Variants in RC3H1 observed in about 807,000 individuals in gnomAD.
RC3H1 encodes the protein ring finger and CCCH-type domains 1.
Under a neutral mutation model 138.2 loss-of-function variants are expected in RC3H1, and 50 were observed. The observed-to-expected ratio is 0.36, with a 90% CI of 0.29 to 0.46. RC3H1 has a LOEUF of 0.46. Ranked by LOEUF, RC3H1 falls within the 20% of genes least tolerant of loss-of-function variation. RC3H1 has a pLI of 1.00. For synonymous variants in RC3H1, 462 were observed against 489.1 expected, an observed-to-expected ratio of 0.94 and a Z score of 0.73; for missense variants, 1,031 against 1,388.1, an observed-to-expected ratio of 0.74 and a Z score of 4.09.
intron 1 of RC3H1, among the ~76,000 whole-genome samples, chr1:174,008,691 T>TAAA (rs1661696617): frequency 6.6e-6 from 1 of 152,102 alleles, no homozygotes; most frequent in South Asian, 2.1e-4. Context: ...AAAGGGGATG[T>TAAA]TCTGGCCAGG....
At chr1:174,013,659 C>T (rs1326201532) in intron 1 of RC3H1, among the ~76,000 whole-genome samples, 1 of 152,020 alleles carries the variant, frequency 6.6e-6, no homozygotes, top group Non-Finnish European at 1.5e-5. Flanking sequence ...CCAGTATGGT[C>T]TTGATCGCCT....
In RC3H1 at chr1:173,936,759, ATATTTTT is replaced by A. The variant is rs1485820295; in HGVS notation, c.*1955_*1961del. On this transcript the variant is annotated 3_prime_UTR_variant, in exon 20 of 20. Transcript: ENST00000367696. ...TATATATATATATATATATATATAT[ATATTTTT>A]TTTTTTTTTTTTAAAAAAAGAAGAC... 7.2e-4 allele frequency: 15 copies of A among 20,790 alleles called. No individual in the cohort carries two copies. In the East Asian group the frequency reaches 8.9e-3, roughly 12 times the overall value. The allele number at this position is 20,790 out of a possible 1,614,324, so 1.3% of individuals were successfully genotyped here.
chr1:173,936,346 G>A lies in RC3H1; in HGVS notation c.*2375C>T, dbSNP rs1658577782. ...AAGATCAGTCCAAATCTGCTTATAA[G>A]AAGGTTGTAGTACAAAAATTAGCTG... On this transcript the variant is annotated 3_prime_UTR_variant, in exon 20 of 20. Transcript: ENST00000367696. The A allele has an allele frequency of 6.6e-6, 1 of 151,688 alleles. No individual in the cohort carries two copies. Among genetic ancestry groups the A allele is most frequent in the Non-Finnish European group, 1.5e-5 (1 of 67,948 alleles). The allele number at this position is 151,688 out of a possible 1,614,324, so 9.4% of individuals were successfully genotyped here.
intron 12 of RC3H1, 92 bp downstream of exon 12, chr1:173,961,633 A>T: frequency 8.5e-7 from 1 of 1,180,784 alleles, no homozygotes; most frequent in Non-Finnish European, 1.2e-6. Flanking sequence ...AAAAGAATTC[A>T]TCAAAGGGTT....
intron 19 of RC3H1, 88 bp downstream of exon 19, chr1:173,941,177 T>G: frequency 1.4e-5 from 11 of 778,850 alleles, no homozygotes; most frequent in Non-Finnish European, 2.2e-5. Flanking sequence ...ATTATATTTA[T>G]GAGGGTATTT....
intron 1 of RC3H1, among the ~76,000 whole-genome samples, chr1:173,997,980 T>C (rs1194632548): frequency 6.6e-6 from 1 of 152,172 alleles, no homozygotes; most frequent in Admixed American, 6.5e-5. Context: ...ACAGTTTATA[T>C]ACTCTTCAAC....
intron 9 of RC3H1, among the ~76,000 whole-genome samples, chr1:173,968,782 TG>T (rs1337482806): frequency 6.6e-6 from 1 of 152,118 alleles, no homozygotes; most frequent in Non-Finnish European, 1.5e-5. Context: ...ACTATTATGT[TG>T]GCTTCTGATT....
At chr1:173,960,844 T>C (rs973035547) in intron 13 of RC3H1, among the ~76,000 whole-genome samples, 14 of 152,114 alleles carry the variant, frequency 9.2e-5, no homozygotes, top group African/African-American at 2.9e-4. Context: ...TTTCATTAAA[T>C]TGTGCCGAGT....
rs1186455974 is a variant in RC3H1, at chr1:173,943,548, G to C, written c.3029C>G (p.Pro1010Arg). ...NTLAGQSQPPPPPPPKWPGMI... is the reference protein window; with the variant it reads ...NTLAGQSQPPRPPPPKWPGMI... Reference sequence around the variant, plus strand: ...CCCAGGCCATTTTGGAGGTGGCGGTGGTGGGGGCTGTGACTGGCCTGCCAG... The same window carrying C: ...CCCAGGCCATTTTGGAGGTGGCGGTCGTGGGGGCTGTGACTGGCCTGCCAG... The change falls in exon 18 of 20, where the codon CCA becomes CGA. Residue 1010 changes from proline to arginine, a missense_variant. Physicochemically the swap from Pro to Arg is moderately radical, Grantham distance 103 (BLOSUM62 -2). Around this residue, in one of 7 missense-constraint regions of RC3H1, gnomAD observed 716 missense variants for 837.9 expected, o/e 0.85. Coordinates refer to ENST00000367696, the MANE Select transcript of RC3H1 (RefSeq NM_172071.4). 3.1e-6 allele frequency: 5 copies of C among 1,614,032 alleles called. No homozygotes were observed. The South Asian group carries it at 3.3e-5, about 11-fold the overall frequency.
At chr1:173,993,589 C>T (rs1416930198) in intron 1 of RC3H1, among the ~76,000 whole-genome samples, 1 of 151,826 alleles carries the variant, frequency 6.6e-6, no homozygotes, top group Non-Finnish European at 1.5e-5. Context: ...GACGGGATTT[C>T]TCCATGTTGG....
chr1:173,944,344 A>G (rs747897610), intron 17 of RC3H1, among the ~76,000 whole-genome samples: 29 of 152,192 alleles, frequency 1.9e-4, no homozygotes, highest in Non-Finnish European at 3.8e-4. Context: ...AATATGTGGC[A>G]AGTTTCTAAA....
chr1:173,952,986 G>T (rs768418852), intron 13 of RC3H1, among the ~76,000 whole-genome samples: 3 of 151,806 alleles, frequency 2.0e-5, no homozygotes, highest in Non-Finnish European at 4.4e-5. Flanking sequence ...GATATCTAGG[G>T]GTATCAGTGT....
chr1:173,950,683 T>C lies in RC3H1; in HGVS notation c.2523+1303A>G, dbSNP rs137863088. Among the ~76,000 whole-genome samples the C allele has an allele frequency of 1.7e-4, 26 of 152,188 alleles. 1 individual carries two copies. The highest frequency in any genetic ancestry group is 6.0e-4 in the African/African-American group (25 of 41,520). On this transcript the variant is annotated intron_variant, in intron 14 of 19. Coordinates refer to ENST00000367696, the MANE Select transcript of RC3H1 (RefSeq NM_172071.4). ...AGAAAAATGAGACTTGGGGGATTTA[T>C]ACAGGGGGATATAACTACTTCTTGA...
At chr1:173,999,322 G>T (rs1197410214) in intron 1 of RC3H1, among the ~76,000 whole-genome samples, 1 of 151,748 alleles carries the variant, frequency 6.6e-6, no homozygotes, top group Non-Finnish European at 1.5e-5. Context: ...AGAGGTTGCG[G>T]TGAGCCGAGA....
chr1:174,004,585 C>T (rs974010829), intron 1 of RC3H1, among the ~76,000 whole-genome samples: 12 of 151,426 alleles, frequency 7.9e-5, no homozygotes, highest in Non-Finnish European at 1.2e-4. Flanking sequence ...GCAGGTGGAT[C>T]ACCTGAGGTC....
chr1:173,964,898 A>G lies in RC3H1; in HGVS notation c.1557T>C (p.Ser519=), dbSNP rs1160667435. 2 of 1,614,188 alleles carry G rather than the reference A, an allele frequency of 1.2e-6. No homozygotes were observed. Among genetic ancestry groups the G allele is most frequent in the East Asian group, 4.5e-5 (2 of 44,878 alleles). The change falls in exon 10 of 20, where the codon AGT becomes AGC. Residue 519 remains serine, a synonymous_variant. Coordinates refer to ENST00000367696, the MANE Select transcript of RC3H1 (RefSeq NM_172071.4). The part of the protein sequence containing the change: ...PRGTDPSYDS[S]LKPGKIDHLS... ...GATGATCTATTTTTCCTGGTTTCAG[A>G]CTAGAATCATAGCTGGGGTCTGTCC...
Position 173,936,753 on chromosome 1 carries a change from ATATATATATTTTTTT to A in RC3H1, c.*1953_*1967del, listed in dbSNP as rs1420151131. The A allele has an allele frequency of 5.0e-3, 242 of 48,082 alleles. 2 individuals carry two copies. Among genetic ancestry groups the A allele is most frequent in the Middle Eastern group, 0.026 (2 of 76 alleles). The allele number at this position is 48,082 out of a possible 1,614,324, so 3.0% of individuals were successfully genotyped here. A position where few individuals can be genotyped will look rare whatever the true frequency, so the allele number is the denominator to read the frequency against. ...TACATATATATATATATATATATAT[ATATATATATTTTTTT>A]TTTTTTTTTTAAAAAAAGAAGACAA... On this transcript the variant is annotated 3_prime_UTR_variant, in exon 20 of 20. Coordinates refer to ENST00000367696, the MANE Select transcript of RC3H1 (RefSeq NM_172071.4).
intron 14 of RC3H1, among the ~76,000 whole-genome samples, chr1:173,951,331 C>A (rs551064208): frequency 1.3e-5 from 2 of 149,236 alleles, no homozygotes; most frequent in South Asian, 2.1e-4. Context: ...ATCCCCCCCC[C>A]AAAAAAAGAG....
chr1:173,960,871 CA>C (rs145189635), intron 13 of RC3H1, among the ~76,000 whole-genome samples: 2,240 of 149,268 alleles, frequency 0.015, 64 homozygotes, highest in African/African-American at 0.053. Context: ...CTTACAGGAA[CA>C]AAAAAAAAGA....
Sources: allele counts gnomAD v4.1 joint callset (sites outside exome capture counted in the v4.1 genomes callset), GRCh38; gene constraint gnomAD v4.1.1; regional missense constraint gnomAD v4.1.1; transcripts MANE v1.5; gene names NCBI Gene and HGNC (gene_info 2026-07-23, HGNC 2026-07-21).